Variants in SH3PXD2A observed in about 807,000 individuals in gnomAD.
SH3PXD2A encodes SH3 and PX domains 2A.
Under a neutral mutation model 115.2 loss-of-function variants are expected in SH3PXD2A, and 32 were observed. The ratio of observed to expected loss-of-function variants is 0.28; its 90% CI spans 0.21 to 0.37. The LOEUF is 0.37. Among genes scored for constraint, SH3PXD2A ranks in the 10% least tolerant of loss-of-function variants. The pLI is 1.00. For missense variants in SH3PXD2A, 1,328 were observed against 1,498.7 expected (o/e 0.89, Z 1.88); for synonymous variants, 610 against 629.1 (o/e 0.97, Z 0.45).
intron 2 of SH3PXD2A, among the ~76,000 whole-genome samples, chr10:103,795,140 C>T (rs1473897054): frequency 6.6e-6 from 1 of 152,234 alleles, no homozygotes; most frequent in Non-Finnish European, 1.5e-5. Context: ...ACGGCCGCCA[C>T]TGAGTACTTG....
intron 5 of SH3PXD2A, chr10:103,693,274 G>A (rs1441341443): frequency 7.9e-6 from 1 of 126,382 alleles, no homozygotes; most frequent in Non-Finnish European, 1.6e-5. Context: ...CCGGCCCCCA[G>A]GCGCGATTCG....
intron 11 of SH3PXD2A, among the ~76,000 whole-genome samples, chr10:103,615,501 T>TGTGTGTGTGTGTGTGTGTGTGTGTGG (rs2036502015): frequency 1.1e-5 from 1 of 91,208 alleles, no homozygotes; most frequent in Non-Finnish European, 2.6e-5. Flanking sequence ...TGTGTGTGTG[T>TGTGTGTGTGTGTGTGTGTGTGTGTGG]GTGTGTGTGT....
chr10:103,595,803 A>G lies in SH3PXD2A; in HGVS notation c.*6013T>C, dbSNP rs1338976754. ...CAACCTTATAGGCAGGCTGGGATCA[A>G]GACCTTGGAAGGTAGGGCTCTCCAC... On this transcript the variant is annotated 3_prime_UTR_variant, in exon 15 of 15. Coordinates refer to ENST00000369774, the MANE Select transcript of SH3PXD2A (RefSeq NM_001394015.1). 1 of 152,660 alleles carries G rather than the reference A, an allele frequency of 6.6e-6. No homozygotes were observed. Among genetic ancestry groups the G allele is most frequent in the Non-Finnish European group, 1.5e-5 (1 of 68,044 alleles). 9.5% of individuals were successfully genotyped at this position (152,660 alleles called of 1,614,324 possible).
At chr10:103,603,835 A>G in intron 14 of SH3PXD2A, 46 bp from the exon 15 acceptor site, 3 of 1,528,192 alleles carry the variant, frequency 2.0e-6, no homozygotes, top group Non-Finnish European at 2.6e-6. Context: ...AGGATCTGGA[A>G]CCCTATGACA....
chr10:103,612,777 C>A, intron 12 of SH3PXD2A, 76 bp downstream of exon 12: 2 of 1,061,214 alleles, frequency 1.9e-6, no homozygotes, highest in Non-Finnish European at 2.7e-6. Context: ...TGTGCACCCC[C>A]CTGGCTTTCA....
chr10:103,720,534 C>G (rs2038169634), intron 5 of SH3PXD2A, among the ~76,000 whole-genome samples: 1 of 152,238 alleles, frequency 6.6e-6, no homozygotes, highest in Non-Finnish European at 1.5e-5. Context: ...CCCCAGCCCC[C>G]ATGAATTCTC....
At chr10:103,669,898 C>T (rs1350608915) in intron 6 of SH3PXD2A, among the ~76,000 whole-genome samples, 1 of 152,240 alleles carries the variant, frequency 6.6e-6, no homozygotes, top group Non-Finnish European at 1.5e-5. Flanking sequence ...GAGCACTTTG[C>T]ATATAGTAAC....
intron 4 of SH3PXD2A, among the ~76,000 whole-genome samples, chr10:103,732,663 C>T (rs1204738061): frequency 6.6e-6 from 1 of 152,214 alleles, no homozygotes; most frequent in Non-Finnish European, 1.5e-5. Context: ...GCAGAGCCAG[C>T]TGCACAATTT....
At position 103,622,503 on chromosome 10, in the gene SH3PXD2A, G is replaced by C. The variant is rs1238229110; in HGVS notation, c.769C>G (p.Leu257Val). ...HLRRLDRRWTLGGMVNRQHSR... is the reference protein window; with the variant it reads ...HLRRLDRRWTVGGMVNRQHSR... Reference sequence around the variant, plus strand: ...TGCTGCCTGTTGACCATCCCGCCCAGGGTCCACCGGCGATCCAGGCGCCGC... The same window carrying C: ...TGCTGCCTGTTGACCATCCCGCCCACGGTCCACCGGCGATCCAGGCGCCGC... Residue 257 changes from leucine to valine, a missense_variant, in exon 10 of 15, where the codon CTG (leucine) becomes GTG (valine). Leu to Val is a conservative substitution (Grantham distance 32). Coordinates refer to ENST00000369774, the MANE Select transcript of SH3PXD2A (RefSeq NM_001394015.1). 1 of 1,550,304 alleles carries C rather than the reference G, an allele frequency of 6.5e-7. No homozygotes were observed. The highest frequency in any genetic ancestry group is 8.7e-7 in the Non-Finnish European group (1 of 1,146,866).
At chr10:103,648,359 C>T (rs748082662) in intron 8 of SH3PXD2A, among the ~76,000 whole-genome samples, 15 of 151,874 alleles carry the variant, frequency 9.9e-5, no homozygotes, top group Admixed American at 2.6e-4. Context: ...TTGAGAAGGA[C>T]GGGGGAGGGG....
At chr10:103,723,080 T>C (rs894109381) in intron 5 of SH3PXD2A, among the ~76,000 whole-genome samples, 1 of 152,186 alleles carries the variant, frequency 6.6e-6, no homozygotes, top group Non-Finnish European at 1.5e-5. Context: ...GAAAGTGCAG[T>C]GTGAATGGCA....
intron 5 of SH3PXD2A, among the ~76,000 whole-genome samples, chr10:103,711,573 C>T (rs1015512048): frequency 6.6e-6 from 1 of 152,266 alleles, no homozygotes; most frequent in South Asian, 2.1e-4. Flanking sequence ...ACCTCGTCCC[C>T]GGGCTACTGA....
At chr10:103,785,021 AC>A (rs2038967778) in intron 2 of SH3PXD2A, among the ~76,000 whole-genome samples, 1 of 152,192 alleles carries the variant, frequency 6.6e-6, no homozygotes, top group South Asian at 2.1e-4. Flanking sequence ...CAGGTGCTCA[AC>A]AAATGTGATC....
intron 8 of SH3PXD2A, among the ~76,000 whole-genome samples, chr10:103,631,338 A>T (rs1488944547): frequency 6.6e-6 from 1 of 152,234 alleles, no homozygotes; most frequent in East Asian, 1.9e-4. Context: ...AACAATAATT[A>T]ATAAAATAGA....
intron 3 of SH3PXD2A, among the ~76,000 whole-genome samples, chr10:103,739,810 C>T (rs1182198100): frequency 6.6e-6 from 1 of 152,196 alleles, no homozygotes; most frequent in South Asian, 2.1e-4. Context: ...AGCTGTGCAG[C>T]TGCGACGTCT....
At chr10:103,658,327 T>C (rs1406308887) in intron 8 of SH3PXD2A, among the ~76,000 whole-genome samples, 1 of 152,222 alleles carries the variant, frequency 6.6e-6, no homozygotes, top group Non-Finnish European at 1.5e-5. Context: ...GGGATGGTGC[T>C]GGCTGGGGCC....
At chr10:103,768,340 G>A (rs1425646020) in intron 2 of SH3PXD2A, among the ~76,000 whole-genome samples, 9 of 152,360 alleles carry the variant, frequency 5.9e-5, no homozygotes, top group African/African-American at 2.2e-4. Context: ...CCTCGAGCTA[G>A]CAATTCTACA....
intron 2 of SH3PXD2A, among the ~76,000 whole-genome samples, chr10:103,780,356 T>C (rs2038920579): frequency 1.3e-5 from 2 of 152,220 alleles, no homozygotes; most frequent in African/African-American, 2.4e-5. Flanking sequence ...AAGGTGCCCA[T>C]AGGTCTCAGA....
At chr10:103,606,848 C>T (rs2133917279) in intron 13 of SH3PXD2A, among the ~76,000 whole-genome samples, 1 of 152,360 alleles carries the variant, frequency 6.6e-6, no homozygotes, top group East Asian at 1.9e-4. Context: ...CTCCCTACAA[C>T]CTCCACCTCC....
Sources: allele counts gnomAD v4.1 joint callset (sites outside exome capture counted in the v4.1 genomes callset), GRCh38; gene constraint gnomAD v4.1.1; transcripts MANE v1.5; gene names NCBI Gene and HGNC (gene_info 2026-07-23, HGNC 2026-07-21).